CRMP1: variants seen among roughly 807,000 people sequenced by gnomAD.
CRMP1 encodes dihydropyrimidinase-related protein 1.
Under a neutral mutation model 68.3 loss-of-function variants are expected in CRMP1, and 19 were observed. That is an observed-to-expected ratio of 0.28 (90% CI 0.19 to 0.41). The LOEUF (loss-of-function observed/expected upper bound fraction) is 0.41. Ranked by LOEUF, CRMP1 falls within the 10% of genes least tolerant of loss-of-function variation. The probability of loss-of-function intolerance (pLI) is 1.00; values close to 1 mark genes in which losing one functional copy is unlikely to be tolerated. For missense variants in CRMP1, 791 were observed against 967.4 expected, an observed-to-expected ratio of 0.82 and a Z score of 2.42; for synonymous variants, 439 against 399.6, an observed-to-expected ratio of 1.10 and a Z score of -1.18.
In CRMP1 at chr4:5,825,644, C is replaced by G. The variant is rs369274794; in HGVS notation, c.1819G>C (p.Gly607Arg). The G allele has an allele frequency of 1.9e-6, 3 of 1,612,024 alleles. No individual in the cohort carries two copies. The African/African-American group carries it at 4.0e-5, about 22-fold the overall frequency. The change falls in exon 13 of 14, where the codon GGG becomes CGG. Residue 607 changes from glycine to arginine, a missense_variant. Coordinates refer to ENST00000324989, the MANE Select transcript of CRMP1 (RefSeq NM_001014809.3). The surrounding 1 kb of genome is among the most constrained non-coding windows in gnomAD (Gnocchi z 4.4). Reference sequence around the variant, plus strand: ...CCGTCATACATGCCCCTGGAAACCCCTTGCAATCCAAAAACCTAAACAGAG... The same window carrying G: ...CCGTCATACATGCCCCTGGAAACCCGTTGCAATCCAAAAACCTAAACAGAG... ...KIRNKVFGLQ[G>R]VSRGMYDGPV...
chr4:5,839,599 C>A lies in CRMP1; in HGVS notation c.1233G>T (p.Lys411Asn). The A allele has an allele frequency of 3.1e-6, 5 of 1,612,892 alleles. No individual in the cohort carries two copies. The highest frequency in any genetic ancestry group is 2.2e-5 in the East Asian group (1 of 44,860). The stretch of plus-strand genomic sequence containing the variant: ...GAGGGGAAGTCACGAACGCCGCAGC[C>A]TTGGCCCAGTTCTTGCTCCAGTAAT... ...GTHYWSKNWA[K>N]AAAFVTSPPL... The change falls in exon 9 of 14, where the codon AAG becomes AAT. Residue 411 changes from lysine to asparagine, a missense_variant. Physicochemically the swap from Lys to Asn is moderately conservative, Grantham distance 94. Transcript: ENST00000324989.
chr4:5,827,959 T>C (rs1719948913), intron 12 of CRMP1: 1 of 843,266 alleles, frequency 1.2e-6, no homozygotes, highest in South Asian at 5.4e-5. Context: ...GTGCTAAGGT[T>C]GTTCAAGGAA....
chr4:5,876,735 T>TCCCCCCC (rs566567169), intron 1 of CRMP1, among the ~76,000 whole-genome samples: 1 of 150,750 alleles, frequency 6.6e-6, no homozygotes, highest in African/African-American at 2.5e-5. Context: ...GGTAGGCATA[T>TCCCCCCC]CCCCCCACCA....
chr4:5,839,386 G>A (rs568088822), intron 9 of CRMP1, 136 bp downstream of exon 9: 17 of 1,071,806 alleles, frequency 1.6e-5, no homozygotes, highest in East Asian at 1.0e-4. Context: ...CCATATGAGC[G>A]CAGTCCTTGC....
chr4:5,839,729 C>T (rs375910133), intron 8 of CRMP1, 51 bp from the exon 9 acceptor site: 21 of 1,547,670 alleles, frequency 1.4e-5, no homozygotes, highest in Non-Finnish European at 1.8e-5. Context: ...TCTCTTGAGG[C>T]AGATGTCAAA....
At chr4:5,871,567 G>A (rs879344166) in intron 1 of CRMP1, among the ~76,000 whole-genome samples, 4 of 152,152 alleles carry the variant, frequency 2.6e-5, no homozygotes, top group Admixed American at 2.6e-4. Context: ...GGCTGAGGCA[G>A]GAGAATGGCA....
Position 5,889,435 on chromosome 4 carries a change from C to G in CRMP1, c.381+3154G>C, listed in dbSNP as rs1715838818. ...CTCCTGCCTCCCAGCACTGTGGACA[C>G]CAGCCCCGGAGTCCATGATCCAGAT... On this transcript the variant is annotated intron_variant, in intron 1 of 13. Transcript: ENST00000324989. The surrounding 1 kb of genome is among the most constrained non-coding windows in gnomAD (Gnocchi z 4.5). 6.6e-6 allele frequency among the ~76,000 whole-genome samples: 1 copy of G among 152,030 alleles called. No individual in the cohort carries two copies. Among genetic ancestry groups the G allele is most frequent in the Non-Finnish European group, 1.5e-5 (1 of 68,004 alleles).
chr4:5,844,654 G>A (rs540589442), intron 6 of CRMP1, among the ~76,000 whole-genome samples: 1 of 152,356 alleles, frequency 6.6e-6, no homozygotes, highest in South Asian at 2.1e-4. Flanking sequence ...TGGATGTGCT[G>A]GAGCTGGAAC....
intron 1 of CRMP1, chr4:5,887,687 C>G: frequency 2.0e-6 from 2 of 985,204 alleles, no homozygotes; most frequent in Non-Finnish European, 2.4e-6. Flanking sequence ...AGGGGTGGAC[C>G]GAGCTTCCAT....
rs1715794862 is a variant in CRMP1 at position 5,888,773 on chromosome 4, G to A, written c.381+3816C>T. Among the ~76,000 whole-genome samples, 1 of 151,784 alleles carries A rather than the reference G, an allele frequency of 6.6e-6. No homozygotes were observed. Among genetic ancestry groups the A allele is most frequent in the Non-Finnish European group, 1.5e-5 (1 of 67,884 alleles). On this transcript the variant is annotated intron_variant, in intron 1 of 13. Coordinates refer to ENST00000324989, the MANE Select transcript of CRMP1 (RefSeq NM_001014809.3). The surrounding 1 kb of genome is among the most constrained non-coding windows in gnomAD (Gnocchi z 6.4). ...GACGGCGCGGTCAGGGCCCGCGGGC[G>A]GCGCCACAGGTGTGTGGCCGCGCGT...
At chr4:5,840,530 A>AGG (rs1334849789) in intron 8 of CRMP1, among the ~76,000 whole-genome samples, 1 of 152,252 alleles carries the variant, frequency 6.6e-6, no homozygotes, top group East Asian at 1.9e-4. Context: ...TTCTGCAGCG[A>AGG]GGGGGGTGCC....
rs2084490450 is a variant in CRMP1 at position 5,838,535 on chromosome 4, G to A, written c.1310+987C>T. Among the ~76,000 whole-genome samples the A allele has an allele frequency of 1.3e-5, 2 of 152,198 alleles. No homozygotes were observed. The highest frequency in any genetic ancestry group is 4.1e-4 in the South Asian group (2 of 4,836). On this transcript the variant is annotated intron_variant, in intron 9 of 13. Transcript: ENST00000324989. The surrounding 1 kb of genome is among the most constrained non-coding windows in gnomAD (Gnocchi z 4.9). Reference sequence around the variant, plus strand: ...GCCAGGATGGCCACAGCAGACAGGTGAGGCGTTGTCAGACTCTAGGGCCTC... The same window carrying A: ...GCCAGGATGGCCACAGCAGACAGGTAAGGCGTTGTCAGACTCTAGGGCCTC...
At chr4:5,856,797 C>CCAT (rs1181847429) in intron 3 of CRMP1, among the ~76,000 whole-genome samples, 2 of 75,660 alleles carry the variant, frequency 2.6e-5, no homozygotes, top group Non-Finnish European at 2.9e-5. Flanking sequence ...ACCATCATCA[C>CCAT]CACCACCACC....
In CRMP1 at chr4:5,879,725, A is replaced by C. The variant is rs1269915796; in HGVS notation, c.381+12864T>G. ...ATTTGAGGATGCAGGAAAAAGCTTCAATTGCTTTTATCAGCTTCTCAGAGG... is the reference window on the plus strand; with the variant it reads ...ATTTGAGGATGCAGGAAAAAGCTTCCATTGCTTTTATCAGCTTCTCAGAGG... On this transcript the variant is annotated intron_variant, in intron 1 of 13. Coordinates refer to ENST00000324989, the MANE Select transcript of CRMP1 (RefSeq NM_001014809.3). The surrounding 1 kb of genome is among the most constrained non-coding windows in gnomAD (Gnocchi z 4.2). Among the ~76,000 whole-genome samples, 1 of 152,192 alleles carries C rather than the reference A, an allele frequency of 6.6e-6. No individual in the cohort carries two copies. The highest frequency in any genetic ancestry group is 1.5e-5 in the Non-Finnish European group (1 of 68,048).
At chr4:5,848,547 T>G (rs1560500126) in intron 6 of CRMP1, among the ~76,000 whole-genome samples, 1 of 152,226 alleles carries the variant, frequency 6.6e-6, no homozygotes, top group Non-Finnish European at 1.5e-5. Flanking sequence ...TCAAAATATG[T>G]TCATGTCTCA....
intron 11 of CRMP1, among the ~76,000 whole-genome samples, chr4:5,833,601 T>G (rs943194412): frequency 1.3e-5 from 2 of 152,116 alleles, no homozygotes; most frequent in Non-Finnish European, 2.9e-5. Context: ...ACAATATACC[T>G]AACTTAGAAG....
At position 5,825,513 on chromosome 4, in the gene CRMP1, C is replaced by T; in HGVS notation, c.1950G>A (p.Gln650=). The change falls in exon 13 of 14, where the codon CAG becomes CAA. Residue 650 remains glutamine (Q), a synonymous_variant. Transcript: ENST00000324989. The surrounding 1 kb of genome is among the most constrained non-coding windows in gnomAD (Gnocchi z 4.4). ...HQPPPIRNLH[Q]SNFSLSGAQI... ...TCCTACCTGATAAGCTGAAGTTGGACTGGTGGAGGTTTCTGATGGGTGGGG... is the reference window on the plus strand; with the variant it reads ...TCCTACCTGATAAGCTGAAGTTGGATTGGTGGAGGTTTCTGATGGGTGGGG... 4 of 1,573,698 alleles carry T rather than the reference C, an allele frequency of 2.5e-6. No individual in the cohort carries two copies. The South Asian group carries it at 4.7e-5, about 19-fold the overall frequency.
intron 1 of CRMP1, among the ~76,000 whole-genome samples, chr4:5,876,343 T>C (rs1156386766): frequency 6.6e-6 from 1 of 152,042 alleles, no homozygotes; most frequent in Admixed American, 6.6e-5. Context: ...GCAACTCCCA[T>C]GGCCCCCACT....
At position 5,834,975 on chromosome 4, in the gene CRMP1, C is replaced by T. The variant is rs3755849; in HGVS notation, c.1623+940G>A. Among the ~76,000 whole-genome samples, 33,795 of 152,180 alleles carry T rather than the reference C, an allele frequency of 0.22. 3,911 individuals carry two copies. The highest frequency in any genetic ancestry group is 0.27 in the African/African-American group (11,400 of 41,518). ...ACTCCAGGGCCATGGCCGTGAGCTGCTACAAGTGTTTCCTGTGGCTTTCTT... is the reference window on the plus strand; with the variant it reads ...ACTCCAGGGCCATGGCCGTGAGCTGTTACAAGTGTTTCCTGTGGCTTTCTT... On this transcript the variant is annotated intron_variant, in intron 11 of 13. Coordinates refer to ENST00000324989, the MANE Select transcript of CRMP1 (RefSeq NM_001014809.3). The surrounding 1 kb of genome is among the most constrained non-coding windows in gnomAD (Gnocchi z 4.3).
Sources: gnomAD v4.1 joint callset for allele counts (sites outside exome capture counted in the v4.1 genomes callset) on GRCh38, gnomAD v4.1.1 for gene constraint, Gnocchi (gnomAD v3.1) non-coding constraint, MANE v1.5 for transcripts, NCBI Gene and HGNC (gene_info 2026-07-23, HGNC 2026-07-21) for gene names.